The following CNTNAP4 variants were observed in gnomAD, a reference collection of about 807,000 sequenced individuals.
The protein encoded by CNTNAP4 is contactin associated protein family member 4.
A neutral mutation model predicts 148.4 loss-of-function variants in CNTNAP4; 98 were observed. The observed-to-expected ratio is 0.66, with a 90% CI of 0.56 to 0.78. CNTNAP4 has a LOEUF of 0.78. Among genes scored for constraint, CNTNAP4 ranks in the 30% least tolerant of loss-of-function variants. The pLI, the probability that CNTNAP4 is intolerant of heterozygous loss-of-function variation, is 0.00. For missense variants in CNTNAP4, 1,935 were observed against 1,565.6 expected (o/e 1.24, Z -3.98); for synonymous variants, 730 against 565.1 (o/e 1.29, Z -4.14).
chr16:76,421,050 G>T (rs2079172364), intron 3 of CNTNAP4, among the ~76,000 whole-genome samples: 1 of 151,926 alleles, frequency 6.6e-6, no homozygotes, highest in South Asian at 2.1e-4. Flanking sequence ...AATAGTTACA[G>T]ATTACAGCCA....
chr16:76,278,017 T>G (rs1958546497), intron 1 of CNTNAP4, among the ~76,000 whole-genome samples: 1 of 152,190 alleles, frequency 6.6e-6, no homozygotes, highest in Non-Finnish European at 1.5e-5. Context: ...ATGCCCAAGT[T>G]CTAGTAAAAC....
chr16:76,308,270 A>T (rs1960710583), intron 1 of CNTNAP4, among the ~76,000 whole-genome samples: 1 of 152,252 alleles, frequency 6.6e-6, no homozygotes, highest in Non-Finnish European at 1.5e-5. Flanking sequence ...AGAACTGCAT[A>T]GTAGTCTACA....
intron 4 of CNTNAP4, 138 bp from the exon 5 acceptor site, chr16:76,447,874 C>T: frequency 3.2e-6 from 2 of 620,012 alleles, no homozygotes; most frequent in Non-Finnish European, 2.9e-6. Context: ...GATATAACTC[C>T]ATCATTAGTT....
At chr16:76,522,702 T>TC (rs1491006975) in intron 17 of CNTNAP4, among the ~76,000 whole-genome samples, 1,149 of 19,720 alleles carry the variant, frequency 0.058, 147 homozygotes, top group African/African-American at 0.066. Flanking sequence ...TTTTCTTTTC[T>TC]TTTCTTTTCT....
At chr16:76,382,237 T>G (rs2016058133) in intron 3 of CNTNAP4, among the ~76,000 whole-genome samples, 1 of 152,074 alleles carries the variant, frequency 6.6e-6, no homozygotes, top group Non-Finnish European at 1.5e-5. Flanking sequence ...TATAAAGCCA[T>G]TTCTAAAAAG....
At chr16:76,527,072 T>C (rs957871925) in intron 17 of CNTNAP4, among the ~76,000 whole-genome samples, 5 of 152,146 alleles carry the variant, frequency 3.3e-5, no homozygotes, top group African/African-American at 7.2e-5. Context: ...CAATCCAAAT[T>C]ATATACCACA....
At chr16:76,426,051 C>T (rs759583883) in intron 3 of CNTNAP4, among the ~76,000 whole-genome samples, 6 of 151,932 alleles carry the variant, frequency 3.9e-5, no homozygotes, top group Non-Finnish European at 2.9e-5. Context: ...AGAGATGCCC[C>T]GATTTTGGAT....
chr16:76,302,066 A>G (rs908390996), intron 1 of CNTNAP4, among the ~76,000 whole-genome samples: 25 of 152,116 alleles, frequency 1.6e-4, no homozygotes, highest in African/African-American at 6.0e-4. Flanking sequence ...CTGAGAAACA[A>G]CCGAAGCGAC....
At chr16:76,482,194 T>C (rs1020264225) in intron 12 of CNTNAP4, among the ~76,000 whole-genome samples, 6 of 151,992 alleles carry the variant, frequency 3.9e-5, no homozygotes, top group African/African-American at 7.2e-5. Context: ...CTTAATTGTA[T>C]TGGGAGACCA....
chr16:76,320,287 C>G (rs1423724454), intron 2 of CNTNAP4, among the ~76,000 whole-genome samples: 1 of 152,044 alleles, frequency 6.6e-6, no homozygotes, highest in Non-Finnish European at 1.5e-5. Context: ...GCTTTCCAAG[C>G]AAAATAGAAA....
At chr16:76,353,850 GT>G (rs2012199076) in intron 2 of CNTNAP4, among the ~76,000 whole-genome samples, 1 of 152,154 alleles carries the variant, frequency 6.6e-6, no homozygotes, top group African/African-American at 2.4e-5. Flanking sequence ...GTCTTATAAA[GT>G]ACTTGTCAAC....
At chr16:76,283,216 T>C (rs565916384) in intron 1 of CNTNAP4, among the ~76,000 whole-genome samples, 1 of 152,130 alleles carries the variant, frequency 6.6e-6, no homozygotes, top group African/African-American at 2.4e-5. Flanking sequence ...TTAAATACTA[T>C]GTTTAAAATT....
chr16:76,300,803 A>G (rs981725395), intron 1 of CNTNAP4, among the ~76,000 whole-genome samples: 2 of 152,178 alleles, frequency 1.3e-5, no homozygotes, highest in Non-Finnish European at 2.9e-5. Flanking sequence ...TATTTTATTC[A>G]TGTCTTCATC....
intron 3 of CNTNAP4, among the ~76,000 whole-genome samples, chr16:76,387,956 T>C (rs924012419): frequency 1.2e-4 from 18 of 152,228 alleles, no homozygotes; most frequent in African/African-American, 4.1e-4. Context: ...ATATTTTATT[T>C]TTTAAAAAGT....
At chr16:76,325,223 CA>C (rs1247930101) in intron 2 of CNTNAP4, among the ~76,000 whole-genome samples, 4 of 150,616 alleles carry the variant, frequency 2.7e-5, no homozygotes, top group Admixed American at 6.6e-5. Context: ...AACAAGTAGG[CA>C]AAAAAATGAA....
intron 4 of CNTNAP4, among the ~76,000 whole-genome samples, chr16:76,430,054 C>A (rs2079555102): frequency 6.6e-6 from 1 of 152,088 alleles, no homozygotes; most frequent in Non-Finnish European, 1.5e-5. Flanking sequence ...GCATGAGTAC[C>A]TTATGGGAAT....
chr16:76,384,203 C>G (rs2016286555), intron 3 of CNTNAP4, among the ~76,000 whole-genome samples: 2 of 151,948 alleles, frequency 1.3e-5, no homozygotes, highest in Admixed American at 1.3e-4. Context: ...ACCACCATGC[C>G]TGGCTAATTT....
intron 3 of CNTNAP4, among the ~76,000 whole-genome samples, chr16:76,407,018 G>T (rs2078620737): frequency 6.6e-6 from 1 of 152,158 alleles, no homozygotes; most frequent in African/African-American, 2.4e-5. Flanking sequence ...AACTTTCATA[G>T]CTAGAGAGGA....
intron 3 of CNTNAP4, among the ~76,000 whole-genome samples, chr16:76,382,725 T>C (rs1362460655): frequency 6.6e-6 from 1 of 152,082 alleles, no homozygotes; most frequent in Non-Finnish European, 1.5e-5. Flanking sequence ...AAAAATGATA[T>C]CTCCTAGCAC....
Sources: allele counts gnomAD v4.1 joint callset (sites outside exome capture counted in the v4.1 genomes callset), GRCh38; gene constraint gnomAD v4.1.1; transcripts MANE v1.5; gene names NCBI Gene and HGNC (gene_info 2026-07-23, HGNC 2026-07-21).